Variants in MLLT10 observed in about 807,000 individuals in gnomAD.
MLLT10 encodes MLLT10 histone lysine methyltransferase DOT1L cofactor.
A neutral mutation model predicts 129.1 loss-of-function variants in MLLT10; 30 were observed. The observed-to-expected ratio is 0.23, with a 90% CI of 0.17 to 0.32. The LOEUF is 0.32. MLLT10 is among the 10% of genes least tolerant of loss of function. The pLI, the probability that MLLT10 is intolerant of heterozygous loss-of-function variation, is 1.00. For synonymous variants in MLLT10, 490 were observed against 446.4 expected, an observed-to-expected ratio of 1.10 and a Z score of -1.23; for missense variants, 1,119 against 1,268.3, an observed-to-expected ratio of 0.88 and a Z score of 1.79.
intron 14 of MLLT10, among the ~76,000 whole-genome samples, chr10:21,725,621 G>C (rs1156409566): frequency 6.7e-6 from 1 of 148,816 alleles, no homozygotes; most frequent in African/African-American, 2.5e-5. Flanking sequence ...CCACTGGGAA[G>C]TCTGAGGCAG....
intron 22 of MLLT10, among the ~76,000 whole-genome samples, chr10:21,740,462 A>C (rs1564762274): frequency 6.6e-6 from 1 of 152,246 alleles, no homozygotes; most frequent in Non-Finnish European, 1.5e-5. Context: ...GTAATTCAGC[A>C]ATTTTCAAGA....
Position 21,743,312 on chromosome 10 carries a change from G to A in MLLT10, c.*1329G>A, listed in dbSNP as rs1833902278. On this transcript the variant is annotated 3_prime_UTR_variant, in exon 23 of 23. Coordinates refer to ENST00000307729, the MANE Select transcript of MLLT10 (RefSeq NM_001195626.3). ...CTCATTTCTGTAAATAAAGTTTTGT[G>A]AATCTGTTTTGTATTGTGACAAATT... 3 of 222,612 alleles carry A rather than the reference G, an allele frequency of 1.3e-5. No individual in the cohort carries two copies. The highest frequency in any genetic ancestry group is 4.5e-5 in the African/African-American group (2 of 44,740). 13.8% of individuals were successfully genotyped at this position (222,612 alleles called of 1,614,324 possible).
chr10:21,625,570 GC>G (rs2046349925), intron 8 of MLLT10: 1 of 765,110 alleles, frequency 1.3e-6, no homozygotes, highest in Non-Finnish European at 2.4e-6. Context: ...ATTTAAGGAA[GC>G]AGAACCCCCA....
intron 8 of MLLT10, among the ~76,000 whole-genome samples, chr10:21,617,947 G>T (rs2045430496): frequency 6.6e-6 from 1 of 152,100 alleles, no homozygotes; most frequent in Non-Finnish European, 1.5e-5. Context: ...CGTTTGAGTG[G>T]AGGCTGTAGT....
chr10:21,735,891 C>T (rs565254741), intron 21 of MLLT10, among the ~76,000 whole-genome samples: 2 of 152,132 alleles, frequency 1.3e-5, no homozygotes, highest in South Asian at 2.1e-4. Context: ...TGGATTTTAT[C>T]TTAAGTATGA....
At chr10:21,590,627 C>T (rs1367709011) in intron 4 of MLLT10, among the ~76,000 whole-genome samples, 2 of 152,156 alleles carry the variant, frequency 1.3e-5, no homozygotes, top group African/African-American at 4.8e-5. Flanking sequence ...GCGGGAGCCA[C>T]CACACCCGGC....
intron 3 of MLLT10, chr10:21,564,481 A>G (rs1367226521): frequency 6.6e-6 from 1 of 151,222 alleles, no homozygotes. Context: ...TTTAATATGG[A>G]ACACTTTAAG....
chr10:21,735,069 T>G (rs2058253536), intron 20 of MLLT10, 70 bp from the exon 21 acceptor site: 5 of 1,151,372 alleles, frequency 4.3e-6, no homozygotes, highest in Non-Finnish European at 6.3e-6. Context: ...AAAGTTGTCT[T>G]TCATTTTTAG....
intron 13 of MLLT10, among the ~76,000 whole-genome samples, chr10:21,685,365 C>T (rs1246726952): frequency 6.6e-6 from 1 of 152,144 alleles, no homozygotes; most frequent in Non-Finnish European, 1.5e-5. Context: ...GATGGAGTCT[C>T]ACTCTGTTGC....
intron 8 of MLLT10, among the ~76,000 whole-genome samples, chr10:21,617,535 TC>T (rs2045383723): frequency 6.6e-6 from 1 of 152,188 alleles, no homozygotes; most frequent in African/African-American, 2.4e-5. Flanking sequence ...ACTGATTTCT[TC>T]GCCTGTAAGT....
At chr10:21,735,575 T>C (rs1178740889) in intron 21 of MLLT10, among the ~76,000 whole-genome samples, 2 of 151,652 alleles carry the variant, frequency 1.3e-5, no homozygotes, top group Non-Finnish European at 2.9e-5. Context: ...AACAAAGAAG[T>C]GGAATAAGTG....
At chr10:21,662,779 A>G (rs900947981) in intron 9 of MLLT10, among the ~76,000 whole-genome samples, 3 of 152,202 alleles carry the variant, frequency 2.0e-5, no homozygotes, top group African/African-American at 4.8e-5. Flanking sequence ...GGCAAAGGGA[A>G]CTGCACTATA....
At chr10:21,600,067 A>T (rs552557331) in intron 5 of MLLT10, among the ~76,000 whole-genome samples, 2 of 152,340 alleles carry the variant, frequency 1.3e-5, no homozygotes, top group African/African-American at 4.8e-5. Flanking sequence ...TATGTTTTCC[A>T]TAGTGATTTG....
intron 5 of MLLT10, among the ~76,000 whole-genome samples, chr10:21,603,175 C>G (rs1361932643): frequency 6.6e-6 from 1 of 151,798 alleles, no homozygotes; most frequent in Non-Finnish European, 1.5e-5. Context: ...GTCTCAGCCT[C>G]CCGAGTAGCT....
intron 3 of MLLT10, chr10:21,551,921 A>C (rs1370661307): frequency 3.3e-6 from 1 of 304,076 alleles, no homozygotes; most frequent in African/African-American, 2.3e-5. Context: ...CAGCCTCCCA[A>C]GTAGGTGGGA....
intron 3 of MLLT10, among the ~76,000 whole-genome samples, chr10:21,549,794 A>G (rs1318156857): frequency 2.0e-5 from 3 of 150,866 alleles, no homozygotes; most frequent in Non-Finnish European, 4.4e-5. Flanking sequence ...GTGTGCCACT[A>G]TGCCTGGCTA....
chr10:21,626,110 C>T, intron 8 of MLLT10: 1 of 1,609,460 alleles, frequency 6.2e-7, no homozygotes, highest in South Asian at 1.1e-5. Flanking sequence ...CCTAGCTCCC[C>T]TGTTTCTCTC....
intron 4 of MLLT10, among the ~76,000 whole-genome samples, chr10:21,589,775 G>A (rs1246565232): frequency 6.6e-6 from 1 of 152,118 alleles, no homozygotes; most frequent in Non-Finnish European, 1.5e-5. Flanking sequence ...TGTAAATTTG[G>A]TGTTATTTTT....
intron 3 of MLLT10, among the ~76,000 whole-genome samples, chr10:21,558,714 A>G (rs550481467): frequency 6.6e-6 from 1 of 152,204 alleles, no homozygotes; most frequent in South Asian, 2.1e-4. Context: ...ATTTTTTTAA[A>G]TTTTAAGTAG....
Sources: allele counts gnomAD v4.1 joint callset (sites outside exome capture counted in the v4.1 genomes callset), GRCh38; gene constraint gnomAD v4.1.1; transcripts MANE v1.5; gene names NCBI Gene and HGNC (gene_info 2026-07-23, HGNC 2026-07-21).